NFXL1: variants seen among roughly 807,000 people sequenced by gnomAD.
NFXL1 encodes nuclear transcription factor, X-box binding like 1, also known as NF-X1-type zinc finger protein NFXL1.
A neutral mutation model predicts 123.3 loss-of-function variants in NFXL1; 66 were observed. The observed-to-expected ratio is 0.54, with a 90% CI of 0.44 to 0.66. NFXL1 has a LOEUF of 0.66. Ranked by LOEUF, NFXL1 falls within the 30% of genes least tolerant of loss-of-function variation. The probability of loss-of-function intolerance (pLI) is 0.00; values close to 1 mark genes in which losing one functional copy is unlikely to be tolerated. For synonymous variants in NFXL1, 346 were observed against 360.8 expected (o/e 0.96, Z 0.46); for missense variants, 944 against 1,125.6 (o/e 0.84, Z 2.31).
chr4:47,895,171 T>C (rs934324422), intron 10 of NFXL1, among the ~76,000 whole-genome samples: 1 of 152,186 alleles, frequency 6.6e-6, no homozygotes, highest in South Asian at 2.1e-4. Context: ...TGTCCATAGA[T>C]GTGCTGTCAT....
rs1737805225 is a variant in NFXL1 at position 47,910,974 on chromosome 4, A to T, written c.256T>A (p.Phe86Ile). ...TGGTTAGCTTTCTTGATTTCTTCAA[A>T]TTTTTTCTGAGACATTAGCTCTGTT... ...AASELMSQKK[F>I]EEIKKANQAA... Residue 86 changes from phenylalanine (F) to isoleucine (I), a missense_variant, in exon 3 of 23, where the codon TTT becomes ATT. By Grantham distance (21) the Phe-to-Ile change is conservative. Coordinates refer to ENST00000507489, the MANE Select transcript of NFXL1 (RefSeq NM_001278624.2). The T allele has an allele frequency of 2.5e-6, 4 of 1,599,118 alleles. No individual in the cohort carries two copies. The highest frequency in any genetic ancestry group is 2.7e-5 in the African/African-American group (2 of 74,030).
intron 22 of NFXL1, among the ~76,000 whole-genome samples, chr4:47,849,226 C>T (rs953328007): frequency 6.6e-6 from 1 of 152,090 alleles, no homozygotes; most frequent in Non-Finnish European, 1.5e-5. Flanking sequence ...ATTCTTCATG[C>T]TTTAAAATCA....
intron 12 of NFXL1, among the ~76,000 whole-genome samples, chr4:47,889,224 TCA>T (rs768255113): frequency 1.6e-4 from 25 of 152,298 alleles, no homozygotes; most frequent in Middle Eastern, 6.8e-3. Context: ...ACCAGTTATA[TCA>T]CAGAGATGTA....
intron 21 of NFXL1, 95 bp from the exon 22 acceptor site, chr4:47,851,243 T>C: frequency 2.3e-6 from 2 of 854,788 alleles, no homozygotes; most frequent in Non-Finnish European, 3.8e-6. Context: ...TTAACCCATA[T>C]CAACTTTTAG....
At chr4:47,875,465 A>T (rs1193758352) in intron 17 of NFXL1, 172 bp from the exon 18 acceptor site, 1 of 451,792 alleles carries the variant, frequency 2.2e-6, no homozygotes, top group African/African-American at 2.0e-5. Flanking sequence ...TATTCAAACT[A>T]AAGAACAGCA....
chr4:47,879,102 T>C lies in NFXL1; in HGVS notation c.1932A>G (p.Lys644=). ...AATTGTGCCTGTAACTTACCTCATG[T>C]TTCCCAAGACATTCCCTACAAGGAA... is the stretch of plus-strand genomic sequence containing the variant. The part of the protein sequence containing the change: ...QVPIPMECLG[K]HEVSPLPCHA... The change falls in exon 16 of 23, where the codon AAA becomes AAG. Residue 644 remains lysine (K), a synonymous_variant. Transcript: ENST00000507489. 2.2e-6 allele frequency: 3 copies of C among 1,391,268 alleles called. No homozygotes were observed. The highest frequency in any genetic ancestry group is 2.9e-6 in the Non-Finnish European group (3 of 1,031,878). 86.2% of individuals were successfully genotyped at this position (1,391,268 alleles called of 1,614,324 possible).
At chr4:47,862,347 C>A (rs903158601) in intron 19 of NFXL1, among the ~76,000 whole-genome samples, 1 of 152,140 alleles carries the variant, frequency 6.6e-6, no homozygotes, top group East Asian at 1.9e-4. Context: ...GGTACCAACA[C>A]AAAAGGCCAC....
chr4:47,862,762 A>G (rs1734841333), intron 19 of NFXL1, 84 bp downstream of exon 19: 1 of 801,870 alleles, frequency 1.2e-6, no homozygotes, highest in Admixed American at 2.4e-5. Flanking sequence ...AAGACCTGAA[A>G]TAATTTGACC....
intron 18 of NFXL1, among the ~76,000 whole-genome samples, chr4:47,872,161 C>G (rs1735477741): frequency 6.6e-6 from 1 of 152,250 alleles, no homozygotes; most frequent in East Asian, 1.9e-4. Context: ...AAATCTATAA[C>G]TTAAAAATTA....
chr4:47,909,597 A>G (rs1737730856), intron 3 of NFXL1, among the ~76,000 whole-genome samples: 1 of 152,174 alleles, frequency 6.6e-6, no homozygotes, highest in African/African-American at 2.4e-5. Context: ...TATAAACAAT[A>G]TGACATATCT....
intron 19 of NFXL1, among the ~76,000 whole-genome samples, chr4:47,858,096 C>T (rs1010292077): frequency 2.6e-5 from 4 of 152,188 alleles, no homozygotes; most frequent in African/African-American, 9.7e-5. Flanking sequence ...ATATGTCCCA[C>T]AGGCAAAAGT....
At chr4:47,890,730 C>CA (rs763762163) in intron 11 of NFXL1, 27 bp from the exon 12 acceptor site, 3 of 1,362,836 alleles carry the variant, frequency 2.2e-6, no homozygotes, top group Non-Finnish European at 2.1e-6. Flanking sequence ...ATATAAAGAA[C>CA]AGGTAATTCA....
chr4:47,877,238 G>A (rs1414594021), intron 17 of NFXL1: 1 of 438,616 alleles, frequency 2.3e-6, no homozygotes, highest in South Asian at 1.6e-5. Flanking sequence ...TTCCAGCTAT[G>A]GCAGAAACAA....
chr4:47,852,102 A>G, intron 20 of NFXL1, 160 bp from the exon 21 acceptor site: 1 of 473,674 alleles, frequency 2.1e-6, no homozygotes, highest in Non-Finnish European at 3.7e-6. Flanking sequence ...ATCTGCTTCA[A>G]ATAGTGATTA....
At chr4:47,858,253 T>C (rs951140435) in intron 19 of NFXL1, among the ~76,000 whole-genome samples, 6 of 152,240 alleles carry the variant, frequency 3.9e-5, no homozygotes, top group African/African-American at 1.2e-4. Context: ...GGAAGAACTT[T>C]CATCAATGGG....
At chr4:47,912,400 T>G (rs1737870080) in intron 2 of NFXL1, among the ~76,000 whole-genome samples, 1 of 152,102 alleles carries the variant, frequency 6.6e-6, no homozygotes, top group Non-Finnish European at 1.5e-5. Context: ...CACGTATTAT[T>G]TCTTACAGCC....
At chr4:47,913,578 C>CA (rs1273916975) in intron 2 of NFXL1, among the ~76,000 whole-genome samples, 1 of 152,212 alleles carries the variant, frequency 6.6e-6, no homozygotes, top group Non-Finnish European at 1.5e-5. Flanking sequence ...ACTAAAGCCA[C>CA]AAGGTTGTTA....
chr4:47,872,628 C>T (rs1264019096), intron 18 of NFXL1, among the ~76,000 whole-genome samples: 1 of 152,082 alleles, frequency 6.6e-6, no homozygotes, highest in East Asian at 1.9e-4. Flanking sequence ...TATGTTTACA[C>T]AATACTGCAA....
intron 19 of NFXL1, among the ~76,000 whole-genome samples, 167 bp from the exon 20 acceptor site, chr4:47,855,330 A>G (rs561022059): frequency 4.4e-4 from 65 of 149,356 alleles, no homozygotes; most frequent in African/African-American, 1.4e-3. Flanking sequence ...AATTATTTTA[A>G]TTACACTTAT....
Sources: allele counts gnomAD v4.1 joint callset (sites outside exome capture counted in the v4.1 genomes callset), GRCh38; gene constraint gnomAD v4.1.1; transcripts MANE v1.5; gene names NCBI Gene and HGNC (gene_info 2026-07-23, HGNC 2026-07-21).